The following GMCL1 variants were observed in gnomAD, a reference collection of about 807,000 sequenced individuals.
GMCL1 encodes germ cell-less 1, spermatogenesis associated, also known as germ cell-less protein-like 1.
Under a neutral mutation model 75.5 loss-of-function variants are expected in GMCL1, and 54 were observed. That is an observed-to-expected ratio of 0.71 (90% CI 0.57 to 0.90). The LOEUF is 0.90. Among genes scored for constraint, GMCL1 ranks in the 40% least tolerant of loss-of-function variants. The pLI is 0.00. For missense variants in GMCL1, 537 were observed against 622.7 expected, an observed-to-expected ratio of 0.86 and a Z score of 1.47; for synonymous variants, 210 against 209.6, an observed-to-expected ratio of 1.00 and a Z score of -0.02.
At chr2:69,853,825 C>T (rs988334902) in intron 8 of GMCL1, among the ~76,000 whole-genome samples, 3 of 151,984 alleles carry the variant, frequency 2.0e-5, no homozygotes, top group East Asian at 3.9e-4. Context: ...TTTTTTGAGA[C>T]AGAGTTTCAC....
At position 69,861,290 on chromosome 2, in the gene GMCL1, C is replaced by T. The variant is rs1312857846; in HGVS notation, c.1085C>T (p.Ser362Phe). 7 of 1,604,770 alleles carry T rather than the reference C, an allele frequency of 4.4e-6. No individual in the cohort carries two copies. Among genetic ancestry groups the T allele is most frequent in the Non-Finnish European group, 6.0e-6 (7 of 1,173,000 alleles). ...TCTTACATTTCAGAATGGCTCTCTTCTGTGTATAAACAGCAGTGGTTTGCT... is the reference window on the plus strand; with the variant it reads ...TCTTACATTTCAGAATGGCTCTCTTTTGTGTATAAACAGCAGTGGTTTGCT... ...DAVVPSEWLS[S>F]VYKQQWFAML... Residue 362 changes from serine (S) to phenylalanine (F), a missense_variant, in exon 10 of 14, where the codon TCT becomes TTT. Transcript: ENST00000282570.
At position 69,869,806 on chromosome 2, in the gene GMCL1, C is replaced by G; in HGVS notation, c.1306C>G (p.Leu436Val). Residue 436 changes from leucine (L) to valine (V), a missense_variant, in exon 12 of 14, where the codon CTG (leucine) becomes GTG (valine). Leu to Val is a conservative substitution (Grantham distance 32). This residue lies in a region of GMCL1 where 345 missense variants were observed against 410.5 expected (regional missense o/e 0.84). Coordinates refer to ENST00000282570, the MANE Select transcript of GMCL1 (RefSeq NM_178439.5). ...ATACATCATTTTCAAACGCAATACA[C>G]TGAATCAGCCATGTAGCGGATCTGT... ...NRYIIFKRNT[L>V]NQPCSGSVSL... is the part of the protein sequence containing the mutation. The G allele has an allele frequency of 6.2e-7, 1 of 1,614,004 alleles. No homozygotes were observed. The highest frequency in any genetic ancestry group is 1.1e-5 in the South Asian group (1 of 91,082).
intron 13 of GMCL1, among the ~76,000 whole-genome samples, chr2:69,874,166 A>C (rs1676060416): frequency 6.6e-6 from 1 of 152,116 alleles, no homozygotes; most frequent in South Asian, 2.1e-4. Flanking sequence ...TAAAGCATAA[A>C]TTCCAAGAAG....
intron 10 of GMCL1, among the ~76,000 whole-genome samples, chr2:69,863,867 G>A (rs1426516834): frequency 6.6e-6 from 1 of 151,912 alleles, no homozygotes; most frequent in Non-Finnish European, 1.5e-5. Context: ...TTTACATTTT[G>A]GTTTTCTGTT....
chr2:69,866,261 A>C (rs1389723273), intron 11 of GMCL1, among the ~76,000 whole-genome samples: 1 of 152,058 alleles, frequency 6.6e-6, no homozygotes, highest in South Asian at 2.1e-4. Flanking sequence ...AAAAAAAAAA[A>C]AAACTGATTG....
intron 7 of GMCL1, 111 bp downstream of exon 7, chr2:69,847,738 G>A (rs1675196272): frequency 1.8e-6 from 1 of 566,890 alleles, no homozygotes; most frequent in Non-Finnish European, 3.1e-6. Context: ...TATAAATGTA[G>A]GAAAAGGAAA....
chr2:69,841,104 C>A, intron 4 of GMCL1, 65 bp downstream of exon 4: 10 of 1,050,246 alleles, frequency 9.5e-6, no homozygotes, highest in South Asian at 3.0e-5. Context: ...GTGTGTACTC[C>A]AAAAACAAAA....
Position 69,830,146 on chromosome 2 carries a change from C to A in GMCL1, c.254C>A (p.Pro85His). The change falls in exon 1 of 14, where the codon CCT becomes CAT. Residue 85 changes from proline to histidine, a missense_variant. Coordinates refer to ENST00000282570, the MANE Select transcript of GMCL1 (RefSeq NM_178439.5). ...GAGCAGCAGCGGCTCCTCAACACCCCTCGAAGGTACGTGGGGGCACGCACC... is the reference window on the plus strand; with the variant it reads ...GAGCAGCAGCGGCTCCTCAACACCCATCGAAGGTACGTGGGGGCACGCACC... ...GDEQQRLLNT[P>H]RRKKLKSTSK... 1 of 1,562,332 alleles carries A rather than the reference C, an allele frequency of 6.4e-7. No homozygotes were observed. Among genetic ancestry groups the A allele is most frequent in the Non-Finnish European group, 8.7e-7 (1 of 1,153,136 alleles).
chr2:69,851,932 G>A (rs1259842571), intron 8 of GMCL1, among the ~76,000 whole-genome samples: 1 of 152,150 alleles, frequency 6.6e-6, no homozygotes, highest in African/African-American at 2.4e-5. Context: ...GTAAAAATGT[G>A]TAAAGAACCA....
At chr2:69,831,184 G>C (rs1342933368) in intron 1 of GMCL1, among the ~76,000 whole-genome samples, 1 of 152,134 alleles carries the variant, frequency 6.6e-6, no homozygotes, top group African/African-American at 2.4e-5. Flanking sequence ...CTCCCAAAGT[G>C]CTGGAATTAT....
At chr2:69,867,396 T>C (rs1675851743) in intron 11 of GMCL1, among the ~76,000 whole-genome samples, 1 of 152,158 alleles carries the variant, frequency 6.6e-6, no homozygotes, top group Non-Finnish European at 1.5e-5. Context: ...GCATTATTAA[T>C]TACTACACCA....
In GMCL1 at chr2:69,837,598, T is replaced by C. The variant is rs1164300437; in HGVS notation, c.312T>C (p.Asn104=). The change falls in exon 2 of 14, where the codon AAT becomes AAC. Residue 104 remains asparagine (N), a synonymous_variant. Transcript: ENST00000282570. ...SKYIYQTLFL[N]GENSDIKICA... ...ATATTTATCAAACATTATTTTTGAA[T>C]GGTGAAAACAGTGACATTAAGATTT... 7 of 1,603,794 alleles carry C rather than the reference T, an allele frequency of 4.4e-6. No individual in the cohort carries two copies. Among genetic ancestry groups the C allele is most frequent in the Non-Finnish European group, 6.0e-6 (7 of 1,176,240 alleles).
rs1675935405 is a variant in GMCL1 at position 69,869,822 on chromosome 2, G to C, written c.1322G>C (p.Ser441Thr). 1 of 1,613,804 alleles carries C rather than the reference G, an allele frequency of 6.2e-7. No homozygotes were observed. The highest frequency in any genetic ancestry group is 1.3e-5 in the African/African-American group (1 of 74,864). ...FKRNTLNQPC[S>T]GSVSLQPRRS... The stretch of plus-strand genomic sequence containing the variant: ...CGCAATACACTGAATCAGCCATGTA[G>C]CGGATCTGTCAGTTTACAGCCTCGA... Residue 441 changes from serine (S) to threonine (T), a missense_variant, in exon 12 of 14, where the codon AGC becomes ACC. By Grantham distance (58) the Ser-to-Thr change is moderately conservative. Transcript: ENST00000282570.
intron 2 of GMCL1, among the ~76,000 whole-genome samples, chr2:69,838,104 A>T (rs1002979483): frequency 5.3e-5 from 8 of 152,154 alleles, no homozygotes; most frequent in Admixed American, 2.0e-4. Flanking sequence ...AGGTAAAGAC[A>T]ACACCAAAAA....
At chr2:69,859,053 G>A (rs372884472) in intron 9 of GMCL1, among the ~76,000 whole-genome samples, 1 of 149,786 alleles carries the variant, frequency 6.7e-6, no homozygotes, top group Non-Finnish European at 1.5e-5. Flanking sequence ...GGCTGAGGCA[G>A]AGGAATCGCT....
chr2:69,866,763 C>G (rs1675829355), intron 11 of GMCL1, among the ~76,000 whole-genome samples: 1 of 152,136 alleles, frequency 6.6e-6, no homozygotes, highest in Admixed American at 6.5e-5. Context: ...CCACACCCAG[C>G]CTATGTTTGC....
chr2:69,830,171 C>G lies in GMCL1; in HGVS notation c.260+19C>G, dbSNP rs1674630791. 1.3e-6 allele frequency: 2 copies of G among 1,547,552 alleles called. No homozygotes were observed. The highest frequency in any genetic ancestry group is 2.7e-5 in the African/African-American group (2 of 73,126). The stretch of plus-strand genomic sequence containing the variant: ...CTCGAAGGTACGTGGGGGCACGCAC[C>G]CGCGCGGACCCGGACCCGCACCTGT... On this transcript the variant is annotated intron_variant, in intron 1 of 13. Coordinates refer to ENST00000282570, the MANE Select transcript of GMCL1 (RefSeq NM_178439.5).
intron 9 of GMCL1, among the ~76,000 whole-genome samples, chr2:69,856,979 T>A (rs1018925161): frequency 2.0e-5 from 3 of 152,176 alleles, no homozygotes; most frequent in Non-Finnish European, 1.5e-5. Flanking sequence ...TCCTAGTTAT[T>A]TGACCTCTTT....
At chr2:69,872,635 T>C in intron 13 of GMCL1, among the ~76,000 whole-genome samples, 1 of 152,208 alleles carries the variant, frequency 6.6e-6, no homozygotes, top group East Asian at 1.9e-4. Flanking sequence ...TTTAACAGCA[T>C]TCTTACAGAG....
Sources: allele counts gnomAD v4.1 joint callset (sites outside exome capture counted in the v4.1 genomes callset), GRCh38; gene constraint gnomAD v4.1.1; regional missense constraint gnomAD v4.1.1; transcripts MANE v1.5; gene names NCBI Gene and HGNC (gene_info 2026-07-23, HGNC 2026-07-21).